Variants in R3HDM2 observed in about 807,000 individuals in gnomAD.
R3HDM2 encodes the protein R3H domain containing 2.
R3HDM2 carries 38 observed loss-of-function variants against 124.5 expected under a neutral mutation model. That is an observed-to-expected ratio of 0.31 (90% CI 0.24 to 0.40). R3HDM2 has a LOEUF of 0.40. R3HDM2 is among the 10% of genes least tolerant of loss of function. R3HDM2 has a pLI of 1.00. For missense variants in R3HDM2, 869 were observed against 1,236.9 expected, an observed-to-expected ratio of 0.70 and a Z score of 4.46; for synonymous variants, 391 against 448.0, an observed-to-expected ratio of 0.87 and a Z score of 1.61.
Position 57,374,278 on chromosome 12 carries a change from C to T in R3HDM2, c.-36+21471G>A, listed in dbSNP as rs527433853. Among the ~76,000 whole-genome samples, 21 of 152,152 alleles carry T rather than the reference C, an allele frequency of 1.4e-4. No homozygotes were observed. The East Asian group carries it at 3.9e-3, about 28-fold the overall frequency. ...AGATTACAGGGACCCGTGATCGTGCCACTGTACTCCAGCCTGGGCAATGGG... is the reference window on the plus strand; with the variant it reads ...AGATTACAGGGACCCGTGATCGTGCTACTGTACTCCAGCCTGGGCAATGGG... On this transcript the variant is annotated intron_variant, in intron 2 of 23. Transcript: ENST00000402412.
chr12:57,263,253 T>G (rs952471098), intron 19 of R3HDM2, among the ~76,000 whole-genome samples: 2 of 152,134 alleles, frequency 1.3e-5, no homozygotes, highest in African/African-American at 4.8e-5. Flanking sequence ...TACCTACATG[T>G]ACATGCAGGA....
chr12:57,298,186 A>G lies in R3HDM2; in HGVS notation c.422-18T>C. The G allele has an allele frequency of 6.6e-7, 1 of 1,505,174 alleles. No individual in the cohort carries two copies. Among genetic ancestry groups the G allele is most frequent in the African/African-American group, 1.5e-5 (1 of 68,814 alleles). 93.2% of individuals were successfully genotyped at this position (1,505,174 alleles called of 1,614,324 possible). A position where few individuals can be genotyped will look rare whatever the true frequency, so the allele number is the denominator to read the frequency against. On this transcript the variant is annotated intron_variant, in intron 6 of 23. Transcript: ENST00000402412. ...GCTGGAGTCTAGAACCACCACAACAAAAGAAATTAAAATACATGAAACTGC... is the reference window on the plus strand; with the variant it reads ...GCTGGAGTCTAGAACCACCACAACAGAAGAAATTAAAATACATGAAACTGC...
chr12:57,280,623 T>C (rs2045899419), intron 13 of R3HDM2, 93 bp from the exon 14 acceptor site: 2 of 1,198,016 alleles, frequency 1.7e-6, no homozygotes, highest in Non-Finnish European at 2.3e-6. Context: ...ACTTTTTCTT[T>C]GCCTTTCCTC....
chr12:57,345,729 A>G (rs1449545902), intron 2 of R3HDM2, among the ~76,000 whole-genome samples: 1 of 151,996 alleles, frequency 6.6e-6, no homozygotes, highest in Non-Finnish European at 1.5e-5. Flanking sequence ...TTATTTTTTT[A>G]GAGAAGAGTT....
At chr12:57,386,403 G>A (rs1281657524) in intron 2 of R3HDM2, among the ~76,000 whole-genome samples, 2 of 152,238 alleles carry the variant, frequency 1.3e-5, no homozygotes, top group African/African-American at 2.4e-5. Context: ...CTCCGCACTC[G>A]GAGAGGCCAG....
At chr12:57,292,779 GA>G (rs558139792) in intron 10 of R3HDM2, 112 bp from the exon 11 acceptor site, 1,340 of 608,760 alleles carry the variant, frequency 2.2e-3, no homozygotes, top group South Asian at 3.3e-3. Flanking sequence ...CAAAAAAATG[GA>G]AAAAAAAAAG....
intron 14 of R3HDM2, among the ~76,000 whole-genome samples, chr12:57,270,870 A>G (rs931183699): frequency 9.9e-5 from 15 of 152,134 alleles, no homozygotes; most frequent in Non-Finnish European, 2.9e-5. Context: ...CGCCTGGCCT[A>G]TGATTGTTGT....
rs757392657 is a variant in R3HDM2 at position 57,283,843 on chromosome 12, C to A, written c.1152G>T (p.Ala384=). 1 of 1,614,152 alleles carries A rather than the reference C, an allele frequency of 6.2e-7. No homozygotes were observed. Among genetic ancestry groups the A allele is most frequent in the Non-Finnish European group, 8.5e-7 (1 of 1,180,004 alleles). ...DSIGSSKGGS[A]GRISRPGMAL... is the part of the protein sequence containing the mutation. ...TAATACCTGGCCTGGAGATCCTTCCCGCACTGCCGCCTTTACTGCTGCCGA... is the reference window on the plus strand; with the variant it reads ...TAATACCTGGCCTGGAGATCCTTCCAGCACTGCCGCCTTTACTGCTGCCGA... The change falls in exon 13 of 24, where the codon GCG becomes GCT. Residue 384 remains alanine (A), a synonymous_variant. Transcript: ENST00000402412.
rs1237643063 is a variant in R3HDM2 at position 57,404,857 on chromosome 12, GTAAAATACAGAT to G, written c.-105-9051_-105-9040del. Among the ~76,000 whole-genome samples the G allele has an allele frequency of 9.2e-5, 14 of 151,764 alleles. No homozygotes were observed. The East Asian group carries it at 2.7e-3, about 29-fold the overall frequency. On this transcript the variant is annotated intron_variant, in intron 1 of 23. Transcript: ENST00000402412. ...ACATAATGAGACCCCATCTGTATTTGTAAAATACAGATTTTACAAAAAAATAAAACTTAAAAA... is the reference window on the plus strand; with the variant it reads ...ACATAATGAGACCCCATCTGTATTTGTTTACAAAAAAATAAAACTTAAAAA...
intron 2 of R3HDM2, among the ~76,000 whole-genome samples, chr12:57,364,567 G>A (rs1240119646): frequency 6.6e-6 from 1 of 152,094 alleles, no homozygotes; most frequent in Non-Finnish European, 1.5e-5. Flanking sequence ...TTGACTTCCA[G>A]ATGGCCATCT....
intron 21 of R3HDM2, among the ~76,000 whole-genome samples, chr12:57,256,880 A>G (rs1380938431): frequency 6.7e-6 from 1 of 150,284 alleles, no homozygotes; most frequent in Non-Finnish European, 1.5e-5. Flanking sequence ...GTGCAATGGC[A>G]TGATCTCGGC....
chr12:57,332,410 C>CAAAAAAAAAAAAAA (rs10653446), intron 2 of R3HDM2, among the ~76,000 whole-genome samples: 1 of 60,706 alleles, frequency 1.6e-5, no homozygotes, highest in African/African-American at 7.7e-5. Flanking sequence ...GACCCTGTCT[C>CAAAAAAAAAAAAAA]AAAAAAAAAA....
At chr12:57,418,227 T>G (rs991456083) in intron 1 of R3HDM2, 1 of 985,274 alleles carries the variant, frequency 1.0e-6, no homozygotes, top group African/African-American at 1.7e-5. Flanking sequence ...CTTCCCACAT[T>G]TAAACAATCT....
chr12:57,261,775 A>AC (rs1249035053), intron 19 of R3HDM2, among the ~76,000 whole-genome samples: 2 of 150,390 alleles, frequency 1.3e-5, no homozygotes, highest in Non-Finnish European at 3.0e-5. Context: ...AAAAAAAAAA[A>AC]AAACCCTCTG....
At chr12:57,429,053 C>T (rs1002155563) in intron 1 of R3HDM2, among the ~76,000 whole-genome samples, 4 of 152,084 alleles carry the variant, frequency 2.6e-5, no homozygotes, top group African/African-American at 9.7e-5. Context: ...GCCAGTCAGG[C>T]ATGCTATTTT....
chr12:57,385,126 C>A (rs1379444128), intron 2 of R3HDM2, among the ~76,000 whole-genome samples: 2 of 151,696 alleles, frequency 1.3e-5, no homozygotes, highest in African/African-American at 2.4e-5. Context: ...TGCACTCCAG[C>A]CTGGGCAACA....
intron 7 of R3HDM2, chr12:57,297,705 CTT>C (rs1008911133): frequency 2.5e-5 from 9 of 356,992 alleles, no homozygotes; most frequent in Non-Finnish European, 4.5e-5. Context: ...TGTATTCCAT[CTT>C]GTTATAAACA....
In R3HDM2 at chr12:57,371,954, G is replaced by A. The variant is rs190176410; in HGVS notation, c.-36+23795C>T. Among the ~76,000 whole-genome samples the A allele has an allele frequency of 4.8e-3, 731 of 152,262 alleles. 25 individuals carry two copies. The highest frequency in any genetic ancestry group is 0.042 in the Admixed American group (642 of 15,284). On this transcript the variant is annotated intron_variant, in intron 2 of 23. Coordinates refer to ENST00000402412, the MANE Select transcript of R3HDM2 (RefSeq NM_001394031.1). ...GCGGTCTCGGCTCACTATAACCTCC[G>A]CCTCCCGGGTTCAAGCGATTCTCCT...
chr12:57,400,488 C>T (rs758061723), intron 1 of R3HDM2, among the ~76,000 whole-genome samples: 4 of 152,054 alleles, frequency 2.6e-5, no homozygotes, highest in South Asian at 2.1e-4. Context: ...ACGTAAATGA[C>T]GAGTTAATGG....
Sources: allele counts gnomAD v4.1 joint callset (sites outside exome capture counted in the v4.1 genomes callset), GRCh38; gene constraint gnomAD v4.1.1; transcripts MANE v1.5; gene names NCBI Gene and HGNC (gene_info 2026-07-23, HGNC 2026-07-21).